CELF2: variants seen among roughly 807,000 people sequenced by gnomAD.
CELF2 encodes CUG triplet repeat RNA-binding protein 2.
Under a neutral mutation model 62.6 loss-of-function variants are expected in CELF2, and 8 were observed. The ratio of observed to expected loss-of-function variants is 0.13; its 90% CI spans 0.07 to 0.23. CELF2 has a LOEUF of 0.23. Ranked by LOEUF, CELF2 falls within the 10% of genes least tolerant of loss-of-function variation. The pLI is 1.00. For synonymous variants in CELF2, 258 were observed against 250.0 expected (o/e 1.03, Z -0.30); for missense variants, 333 against 671.0 (o/e 0.50, Z 5.56).
rs544985103 is a variant in CELF2, at chr10:11,110,228, C to T, written c.75-55258C>T. Among the ~76,000 whole-genome samples the T allele has an allele frequency of 2.0e-5, 3 of 152,142 alleles. No individual in the cohort carries two copies. The highest frequency in any genetic ancestry group is 6.5e-5 in the Admixed American group (1 of 15,276). On this transcript the variant is annotated intron_variant, in intron 1 of 12. Transcript: ENST00000633077. This position sits in a 1 kb window ranked among gnomAD's most constrained non-coding sequence, Gnocchi z 4.0. ...GGTCAAGGCTGCATGGAACCCTGAA[C>T]GTCCTACCGCACTCCAGCATGGGCG...
chr10:10,999,995 A>C (rs532443716), intron 2 of CELF2, among the ~76,000 whole-genome samples: 2 of 152,266 alleles, frequency 1.3e-5, no homozygotes, highest in South Asian at 2.1e-4. Flanking sequence ...TTTCCACATA[A>C]ATATTAAACG....
At chr10:10,660,496 C>G in the CELF2 span, among the ~76,000 whole-genome samples, 2 of 152,136 alleles carry the variant, frequency 1.3e-5, no homozygotes, top group African/African-American at 4.8e-5. Flanking sequence ...TCCTAGCACC[C>G]CCAGATGGAT....
intron 1 of CELF2, among the ~76,000 whole-genome samples, chr10:11,130,389 C>T (rs999049813): frequency 1.1e-4 from 17 of 152,216 alleles, no homozygotes; most frequent in Non-Finnish European, 2.4e-4. Context: ...CTGGCCTCTA[C>T]CAAGTCTTCA....
chr10:10,541,514 A>ACAAAGGGTGG, the CELF2 span, among the ~76,000 whole-genome samples: 108 of 152,302 alleles, frequency 7.1e-4, no homozygotes, highest in Middle Eastern at 3.4e-3. Context: ...TACATGCTAA[A>ACAAAGGGTGG]CAAAGGGTGG....
Position 10,947,782 on chromosome 10 carries a change from T to C in CELF2, c.89+27783T>C, listed in dbSNP as rs944360622. ...ACATCTTCACCACAGAAGAAAAATATGGCATTTGAGGAGAGAGAAAATGCT... is the reference window on the plus strand; with the variant it reads ...ACATCTTCACCACAGAAGAAAAATACGGCATTTGAGGAGAGAGAAAATGCT... On this transcript the variant is annotated intron_variant, in intron 2 of 13. Transcript: ENST00000636488. The surrounding 1 kb of genome is among the most constrained non-coding windows in gnomAD (Gnocchi z 4.1). Among the ~76,000 whole-genome samples the C allele has an allele frequency of 6.6e-6, 1 of 152,174 alleles. No individual in the cohort carries two copies. Among genetic ancestry groups the C allele is most frequent in the Admixed American group, 6.5e-5 (1 of 15,272 alleles).
the CELF2 span, among the ~76,000 whole-genome samples, chr10:10,577,209 T>C: frequency 6.6e-6 from 1 of 152,132 alleles, no homozygotes; most frequent in African/African-American, 2.4e-5. Flanking sequence ...ACAAGAGCTG[T>C]TGACAGAGCC....
At chr10:11,161,161 C>G (rs191992490) in intron 1 of CELF2, among the ~76,000 whole-genome samples, 9 of 152,228 alleles carry the variant, frequency 5.9e-5, no homozygotes, top group Non-Finnish European at 7.3e-5. Flanking sequence ...AAAGTAAGCA[C>G]TCATCGTTTT....
At chr10:10,973,671 A>G (rs915380967) in intron 2 of CELF2, among the ~76,000 whole-genome samples, 1 of 152,152 alleles carries the variant, frequency 6.6e-6, no homozygotes, top group Non-Finnish European at 1.5e-5. Context: ...GGCTTAAGCC[A>G]TCCTCCCGCC....
At chr10:10,694,584 G>A in the CELF2 span, among the ~76,000 whole-genome samples, 16 of 152,034 alleles carry the variant, frequency 1.1e-4, no homozygotes, top group South Asian at 1.2e-3. Flanking sequence ...TTTCTGTCTC[G>A]TTGATCTGTC....
At chr10:10,478,219 A>G in the CELF2 span, among the ~76,000 whole-genome samples, 70 of 152,294 alleles carry the variant, frequency 4.6e-4, no homozygotes, top group Middle Eastern at 6.8e-3. Flanking sequence ...ATAGACTCCA[A>G]TGCTATTTAG....
At chr10:10,499,904 A>G in the CELF2 span, among the ~76,000 whole-genome samples, 2 of 152,104 alleles carry the variant, frequency 1.3e-5, no homozygotes, top group Non-Finnish European at 2.9e-5. Context: ...CTCCTGAAAC[A>G]TTAATGGCAG....
chr10:10,561,456 A>G, the CELF2 span, among the ~76,000 whole-genome samples: 1 of 152,250 alleles, frequency 6.6e-6, no homozygotes, highest in Non-Finnish European at 1.5e-5. Flanking sequence ...AGAGCAGTAA[A>G]CAAAATAGAA....
intron 1 of CELF2, among the ~76,000 whole-genome samples, chr10:11,147,384 G>C (rs963674852): frequency 6.6e-6 from 1 of 152,106 alleles, no homozygotes; most frequent in African/African-American, 2.4e-5. Flanking sequence ...ATTTTAGTTT[G>C]TTTCTAAATA....
intron 3 of CELF2, among the ~76,000 whole-genome samples, chr10:11,218,246 A>G (rs1042344785): frequency 6.6e-6 from 1 of 152,272 alleles, no homozygotes; most frequent in African/African-American, 2.4e-5. Flanking sequence ...TGATGAGTTC[A>G]TAATGACATG....
chr10:10,462,615 C>CTT, the CELF2 span, among the ~76,000 whole-genome samples: 11,553 of 68,502 alleles, frequency 0.17, 808 homozygotes, highest in East Asian at 0.23. Flanking sequence ...TTTTTTTCAT[C>CTT]TTTTTTTTTT....
At chr10:11,048,735 C>G (rs1034029841) in intron 1 of CELF2, among the ~76,000 whole-genome samples, 1 of 152,230 alleles carries the variant, frequency 6.6e-6, no homozygotes. Context: ...TTACAGAGCA[C>G]TGTCATTTTC....
intron 4 of CELF2, 143 bp from the exon 5 acceptor site, chr10:11,257,595 A>G: frequency 2.6e-6 from 2 of 783,238 alleles, no homozygotes; most frequent in Non-Finnish European, 4.0e-6. Context: ...AGGGAGGAGG[A>G]CAGCTGGACG....
the CELF2 span, among the ~76,000 whole-genome samples, chr10:10,769,305 G>A: frequency 6.6e-6 from 1 of 152,108 alleles, no homozygotes; most frequent in African/African-American, 2.4e-5. Flanking sequence ...AATGAATGAT[G>A]GGAAAGGCCT....
chr10:10,764,548 A>T, the CELF2 span, among the ~76,000 whole-genome samples: 732 of 152,346 alleles, frequency 4.8e-3, 4 homozygotes, highest in African/African-American at 0.01. Context: ...CCAAGAGGAA[A>T]GGGCCTAGAG....
Sources: gnomAD v4.1 joint callset for allele counts (sites outside exome capture counted in the v4.1 genomes callset) on GRCh38, gnomAD v4.1.1 for gene constraint, Gnocchi (gnomAD v3.1) non-coding constraint, MANE v1.5 for transcripts, NCBI Gene and HGNC (gene_info 2026-07-23, HGNC 2026-07-21) for gene names.